The following PLIN4 variants were observed in gnomAD, a reference collection of about 807,000 sequenced individuals.
The protein encoded by PLIN4 is perilipin-4.
In PLIN4, 57 loss-of-function variants were observed where a neutral mutation model predicts 52.4. The observed-to-expected ratio is 1.09, with a 90% confidence interval of 0.88 to 1.36. The LOEUF is 1.36. Ranked by LOEUF, PLIN4 falls within the 40% of genes most tolerant of loss-of-function variation. The pLI, the probability that PLIN4 is intolerant of heterozygous loss-of-function variation, is 0.00. For synonymous variants in PLIN4, 826 were observed against 785.4 expected, an observed-to-expected ratio of 1.05 and a Z score of -0.86; for missense variants, 1,757 against 1,770.3, an observed-to-expected ratio of 0.99 and a Z score of 0.13.
intron 6 of PLIN4, among the ~76,000 whole-genome samples, chr19:4,505,428 G>C (rs986486312): frequency 6.6e-6 from 1 of 152,168 alleles, no homozygotes; most frequent in African/African-American, 2.4e-5. Flanking sequence ...CCCTTCACAA[G>C]GTCCGCGTTC....
Position 4,518,372 on chromosome 19 carries a change from G to A in PLIN4, c.-18+13C>T. On this transcript the variant is annotated intron_variant, in intron 1 of 7. Coordinates refer to ENST00000301286, the MANE Select transcript of PLIN4 (RefSeq NM_001367868.2). The stretch of plus-strand genomic sequence containing the variant: ...CCACTCCCCACTGAAAGCCTGAGCA[G>A]CCCGACACCCACCTGCAGGCCTGGC... 1.6e-6 allele frequency: 2 copies of A among 1,231,684 alleles called. No individual in the cohort carries two copies. The highest frequency in any genetic ancestry group is 4.1e-5 in the South Asian group (1 of 24,256). 76.3% of individuals were successfully genotyped at this position (1,231,684 alleles called of 1,614,324 possible). A position where few individuals can be genotyped will look rare whatever the true frequency, so the allele number is the denominator to read the frequency against.
Position 4,511,239 on chromosome 19 carries a change from G to T in PLIN4, c.2721C>A (p.Asn907Lys). Residue 907 changes from asparagine to lysine, a missense_variant, in exon 5 of 8, where the codon AAC becomes AAA. Around this residue, in one of 7 missense-constraint regions of PLIN4, gnomAD observed 712 missense variants for 637.1 expected, o/e 1.12. Transcript: ENST00000301286. Reference sequence around the variant, plus strand: ...CGGTCTGGACAGTCCCTTTGGCCAAGTTCACAGCCCCTGTGAGCCCAGTGG... The same window carrying T: ...CGGTCTGGACAGTCCCTTTGGCCAATTTCACAGCCCCTGTGAGCCCAGTGG... Reference protein sequence around the residue: ...AVSTGLTGAVNLAKGTVQTGV... With the variant: ...AVSTGLTGAVKLAKGTVQTGV... The T allele has an allele frequency of 2.5e-6, 4 of 1,609,950 alleles. No individual in the cohort carries two copies. Among genetic ancestry groups the T allele is most frequent in the Non-Finnish European group, 3.4e-6 (4 of 1,177,982 alleles).
At chr19:4,506,570 T>C (rs1976100747) in intron 6 of PLIN4, among the ~76,000 whole-genome samples, 1 of 151,864 alleles carries the variant, frequency 6.6e-6, no homozygotes, top group Admixed American at 6.6e-5. Flanking sequence ...GGGTCTTCAG[T>C]AGCACTTAAA....
chr19:4,504,595 G>C lies in PLIN4; in HGVS notation c.3980C>G (p.Ala1327Gly), dbSNP rs1385014670. The C allele has an allele frequency of 6.2e-7, 1 of 1,603,914 alleles. No homozygotes were observed. Among genetic ancestry groups the C allele is most frequent in the African/African-American group, 1.3e-5 (1 of 74,788 alleles). Reference protein sequence around the residue: ...ASAGSVEELPAERLVQSREGV... With the variant: ...ASAGSVEELPGERLVQSREGV... Reference sequence around the variant, plus strand: ...CTCGCGGCTCTGCACCAGCCGCTCTGCGGGCAGCTCCTCTACAGAGCCAGC... The same window carrying C: ...CTCGCGGCTCTGCACCAGCCGCTCTCCGGGCAGCTCCTCTACAGAGCCAGC... Residue 1327 changes from alanine to glycine, a missense_variant, in exon 8 of 8, where the codon GCA (alanine) becomes GGA (glycine). Ala to Gly is a moderately conservative substitution (Grantham distance 60, BLOSUM62 0). Transcript: ENST00000301286.
rs776573326 is a variant in PLIN4, at chr19:4,510,659, C to A, written c.3301G>T (p.Val1101Leu). ...GCTTCCCAGGCAGGCTCCGGGCCTACACTGAGCACATCCGGGGGCGTGGAG... is the reference window on the plus strand; with the variant it reads ...GCTTCCCAGGCAGGCTCCGGGCCTAAACTGAGCACATCCGGGGGCGTGGAG... Reference protein sequence around the residue: ...GISTPPDVLSVGPEPAWEAAA... With the variant: ...GISTPPDVLSLGPEPAWEAAA... The change falls in exon 5 of 8, where the codon GTA (valine) becomes TTA (leucine). Residue 1101 changes from valine (V) to leucine (L), a missense_variant. Physicochemically the swap from Val to Leu is conservative, Grantham distance 32. Around this residue, in one of 7 missense-constraint regions of PLIN4, gnomAD observed 712 missense variants for 637.1 expected, o/e 1.12. Transcript: ENST00000301286. 2.8e-5 allele frequency: 42 copies of A among 1,517,234 alleles called. No homozygotes were observed. The highest frequency in any genetic ancestry group is 3.3e-5 in the Non-Finnish European group (38 of 1,136,018). The allele number at this position is 1,517,234 out of a possible 1,614,324, so 94.0% of individuals were successfully genotyped here.
chr19:4,510,229 G>T (rs1048129315), intron 5 of PLIN4, among the ~76,000 whole-genome samples: 6 of 151,444 alleles, frequency 4.0e-5, no homozygotes, highest in African/African-American at 1.2e-4. Flanking sequence ...AGCCGGGTGT[G>T]GTGGTGGGCG....
At chr19:4,507,187 G>A (rs1014310315) in intron 6 of PLIN4, among the ~76,000 whole-genome samples, 8 of 152,246 alleles carry the variant, frequency 5.3e-5, no homozygotes, top group African/African-American at 1.9e-4. Flanking sequence ...AAACACAGTG[G>A]CCTAGGCTGC....
chr19:4,511,947 C>A lies in PLIN4; in HGVS notation c.2013G>T (p.Val671=). ...TGTKNTFGSG[V]TSAVNVAKGA... ...CTTTGGCCACATTCACAGCACTGGT[C>A]ACCCCACTGCCAAAGGTGTTCTTTG... Residue 671 remains valine (V), a synonymous_variant, in exon 5 of 8, where the codon GTG becomes GTT. Transcript: ENST00000301286. 6.3e-7 allele frequency: 1 copy of A among 1,598,734 alleles called. No homozygotes were observed. Among genetic ancestry groups the A allele is most frequent in the Admixed American group, 1.7e-5 (1 of 58,642 alleles).
Position 4,504,307 on chromosome 19 carries a change from TCCGCAGCCCCTCGGCGCTCAGCCAG to T in PLIN4, c.*127_*151del. ...TGGCTCAGTTAAGAAGGTCACTGCC[TCCGCAGCCCCTCGGCGCTCAGCCAG>T]CTGCAGCCCCAAAGGTCTAGGGCTT... On this transcript the variant is annotated 3_prime_UTR_variant, in exon 8 of 8. Coordinates refer to ENST00000301286, the MANE Select transcript of PLIN4 (RefSeq NM_001367868.2). The T allele has an allele frequency of 1.3e-6, 1 of 781,090 alleles. No individual in the cohort carries two copies. The highest frequency in any genetic ancestry group is 2.8e-5 in the East Asian group (1 of 35,838). 48.4% of individuals were successfully genotyped at this position (781,090 alleles called of 1,614,324 possible). A position where few individuals can be genotyped will look rare whatever the true frequency, so the allele number is the denominator to read the frequency against.
rs1308628639 is a variant in PLIN4 at position 4,518,462 on chromosome 19, G to A, written c.-95C>T. 2.5e-6 allele frequency: 3 copies of A among 1,221,124 alleles called. No homozygotes were observed. The East Asian group carries it at 9.6e-5, about 39-fold the overall frequency. The allele number at this position is 1,221,124 out of a possible 1,614,324, so 75.6% of individuals were successfully genotyped here. A position where few individuals can be genotyped will look rare whatever the true frequency, so the allele number is the denominator to read the frequency against. On this transcript the variant is annotated 5_prime_UTR_variant, in exon 1 of 8. Transcript: ENST00000301286. ...CCTGGACTGCGCGGGGTCCCCTGGA[G>A]GACGGACCGGCCCGGCTGGCAGCTG...
intron 4 of PLIN4, 38 bp downstream of exon 4, chr19:4,516,579 T>C (rs1307163376): frequency 6.3e-7 from 1 of 1,575,660 alleles, no homozygotes; most frequent in Non-Finnish European, 8.6e-7. Context: ...CCCCCAGGGC[T>C]CCTGCCACAT....
chr19:4,516,588 A>G (rs1049595333), intron 4 of PLIN4, 29 bp downstream of exon 4: 3 of 1,590,526 alleles, frequency 1.9e-6, no homozygotes, highest in African/African-American at 1.3e-5. Flanking sequence ...CTCCTGCCAC[A>G]TCAGACCCTG....
At chr19:4,508,542 C>G (rs1046115606) in intron 6 of PLIN4, among the ~76,000 whole-genome samples, 1 of 152,224 alleles carries the variant, frequency 6.6e-6, no homozygotes, top group Non-Finnish European at 1.5e-5. Flanking sequence ...GCTGGGGTTA[C>G]AGGCGTGAGC....
Position 4,517,619 on chromosome 19 carries a change from C to CT in PLIN4, c.130dup (p.Arg44LysfsTer7). On this transcript the variant is annotated frameshift_variant, in exon 3 of 8. Coordinates refer to ENST00000301286, the MANE Select transcript of PLIN4 (RefSeq NM_001367868.2). LOFTEE classifies it high-confidence loss of function. ...TGTGGGGTCAGCGGCCGGCCGGGCTCTCGCCGAGCTATGTGCGTTGGCCAC... is the reference window on the plus strand; with the variant it reads ...TGTGGGGTCAGCGGCCGGCCGGGCTCTTCGCCGAGCTATGTGCGTTGGCCAC... 6.2e-7 allele frequency: 1 copy of CT among 1,610,090 alleles called. No individual in the cohort carries two copies.
chr19:4,506,364 C>T (rs916147934), intron 6 of PLIN4, among the ~76,000 whole-genome samples: 1 of 152,230 alleles, frequency 6.6e-6, no homozygotes, highest in Admixed American at 6.5e-5. Context: ...TTCTGACGCA[C>T]TCCCTCTCTG....
rs189776993 is a variant in PLIN4, at chr19:4,502,457, C to T, written c.*2002G>A. ...CAGGGCATCTAAGCTGTGCTGCCTG[C>T]GCCCTGCCCCGCACCCACGAGGCTG... is the stretch of plus-strand genomic sequence containing the variant. On this transcript the variant is annotated 3_prime_UTR_variant, in exon 8 of 8. Coordinates refer to ENST00000301286, the MANE Select transcript of PLIN4 (RefSeq NM_001367868.2). 3.8e-5 allele frequency: 12 copies of T among 315,730 alleles called. No individual in the cohort carries two copies. Among genetic ancestry groups the T allele is most frequent in the African/African-American group, 1.6e-4 (7 of 44,136 alleles). The allele number at this position is 315,730 out of a possible 1,614,324, so 19.6% of individuals were successfully genotyped here.
At chr19:4,515,823 C>G (rs1045485262) in intron 4 of PLIN4, among the ~76,000 whole-genome samples, 4 of 152,230 alleles carry the variant, frequency 2.6e-5, no homozygotes, top group African/African-American at 9.6e-5. Context: ...CATCTCCCAG[C>G]TTTGGCTCAG....
In PLIN4 at chr19:4,504,950, GGAGA is replaced by G. The variant is rs765153235; in HGVS notation, c.3703-7_3703-4del. ...GGAGCCTGCTGGGCCTTTTCAATCT[GGAGA>G]GAGAGTACAGTGGGGAAATGATGGC... On this transcript the variant is annotated splice_polypyrimidine_tract_variant and splice_region_variant and intron_variant, in intron 6 of 7. Transcript: ENST00000301286. 5.6e-6 allele frequency: 9 copies of G among 1,599,784 alleles called. No individual in the cohort carries two copies. Among genetic ancestry groups the G allele is most frequent in the African/African-American group, 2.7e-5 (2 of 74,844 alleles).
At position 4,510,901 on chromosome 19, in the gene PLIN4, TTGG is replaced by T. The variant is rs1447334279; in HGVS notation, c.3056_3058del (p.Thr1019del). On this transcript the variant is annotated inframe_deletion, in exon 5 of 8. Coordinates refer to ENST00000301286, the MANE Select transcript of PLIN4 (RefSeq NM_001367868.2). ...GTCTTTGGTTCCGGTCAGCACTGTC[TTGG>T]TGGTGTCCAGGCCCCCCTGGACGGC... is the stretch of plus-strand genomic sequence containing the variant. 3 of 1,613,660 alleles carry T rather than the reference TTGG, an allele frequency of 1.9e-6. No homozygotes were observed. Among genetic ancestry groups the T allele is most frequent in the Admixed American group, 1.7e-5 (1 of 60,028 alleles).
Sources: gnomAD v4.1 joint callset for allele counts (sites outside exome capture counted in the v4.1 genomes callset) on GRCh38, gnomAD v4.1.1 for gene constraint, gnomAD v4.1.1 regional missense constraint, MANE v1.5 for transcripts, NCBI Gene and HGNC (gene_info 2026-07-23, HGNC 2026-07-21) for gene names.